RSRC1: variants seen among roughly 807,000 people sequenced by gnomAD.
RSRC1 encodes serine/Arginine-related protein 53.
A neutral mutation model predicts 49.1 loss-of-function variants in RSRC1; 39 were observed. The ratio of observed to expected loss-of-function variants is 0.79; its 90% confidence interval spans 0.61 to 1.04. The LOEUF is 1.04. Ranked by LOEUF, RSRC1 falls within the 50% of genes least tolerant of loss-of-function variation. The pLI, the probability that RSRC1 is intolerant of heterozygous loss-of-function variation, is 0.00. For missense variants in RSRC1, 388 were observed against 402.4 expected, an observed-to-expected ratio of 0.96 and a Z score of 0.31; for synonymous variants, 143 against 130.8, an observed-to-expected ratio of 1.09 and a Z score of -0.63.
intron 3 of RSRC1, among the ~76,000 whole-genome samples, chr3:158,171,537 TAACCTGTAAAAAAG>T (rs1287324465): frequency 6.6e-6 from 1 of 152,036 alleles, no homozygotes; most frequent in Non-Finnish European, 1.5e-5. Flanking sequence ...TAGAGAAATA[TAACCTGTAAAAAAG>T]AACCAAGTAG....
intron 6 of RSRC1, among the ~76,000 whole-genome samples, chr3:158,426,433 T>C (rs1735446088): frequency 6.6e-6 from 1 of 151,582 alleles, no homozygotes. Context: ...AGAGTAACTC[T>C]AGTGGTCAGT....
chr3:158,454,457 TTAC>T (rs1409958832), intron 6 of RSRC1, among the ~76,000 whole-genome samples: 3 of 152,268 alleles, frequency 2.0e-5, no homozygotes, highest in South Asian at 4.1e-4. Flanking sequence ...GTAAGCCTCT[TTAC>T]ATTCAGGGAA....
At chr3:158,516,953 G>T (rs930639992) in intron 7 of RSRC1, among the ~76,000 whole-genome samples, 3 of 152,170 alleles carry the variant, frequency 2.0e-5, no homozygotes, top group African/African-American at 7.2e-5. Flanking sequence ...CCCTGCTTTG[G>T]CTCGTGCACG....
chr3:158,412,265 T>C (rs974358773), intron 6 of RSRC1, among the ~76,000 whole-genome samples: 2 of 152,156 alleles, frequency 1.3e-5, no homozygotes, highest in African/African-American at 4.8e-5. Flanking sequence ...ATAAGAACCA[T>C]AATATATGTG....
At chr3:158,120,164 G>A (rs1435475172) in intron 1 of RSRC1, among the ~76,000 whole-genome samples, 1 of 152,028 alleles carries the variant, frequency 6.6e-6, no homozygotes, top group African/African-American at 2.4e-5. Flanking sequence ...AAAGTGTCGT[G>A]GTAATCTTTT....
intron 7 of RSRC1, among the ~76,000 whole-genome samples, chr3:158,477,290 C>G (rs1050020149): frequency 1.3e-5 from 2 of 152,116 alleles, no homozygotes; most frequent in African/African-American, 4.8e-5. Flanking sequence ...AGCAGAAGTT[C>G]TACAATAAAT....
chr3:158,369,597 C>T (rs1230513555), intron 6 of RSRC1, among the ~76,000 whole-genome samples: 1 of 152,054 alleles, frequency 6.6e-6, no homozygotes, highest in Non-Finnish European at 1.5e-5. Context: ...TTTAAATAGA[C>T]TGGACCTTCA....
chr3:158,402,754 C>G (rs1016655889), intron 6 of RSRC1, among the ~76,000 whole-genome samples: 1 of 151,822 alleles, frequency 6.6e-6, no homozygotes, highest in Non-Finnish European at 1.5e-5. Flanking sequence ...CATTTGCTGA[C>G]TCATACTTCT....
chr3:158,390,486 A>C (rs1733218381), intron 6 of RSRC1, among the ~76,000 whole-genome samples: 1 of 152,192 alleles, frequency 6.6e-6, no homozygotes. Context: ...TTTGGAATTG[A>C]AACTAAGTAA....
At chr3:158,540,596 C>A (rs1712980746) in intron 8 of RSRC1, among the ~76,000 whole-genome samples, 1 of 151,892 alleles carries the variant, frequency 6.6e-6, no homozygotes, top group African/African-American at 2.4e-5. Flanking sequence ...AAAAGTGGAT[C>A]TTGATATCAT....
intron 3 of RSRC1, among the ~76,000 whole-genome samples, chr3:158,147,532 C>CA (rs1288908560): frequency 6.7e-6 from 1 of 148,246 alleles, no homozygotes; most frequent in Non-Finnish European, 1.5e-5. Context: ...TTTTATTTTT[C>CA]AAAAAACCTA....
chr3:158,148,366 C>CGTGT (rs71144442), intron 3 of RSRC1, among the ~76,000 whole-genome samples: 1,653 of 149,740 alleles, frequency 0.011, 61 homozygotes, highest in Admixed American at 0.068. Flanking sequence ...TGTGTGTGTG[C>CGTGT]GTGTGTGTGT....
At chr3:158,316,285 C>T (rs1728438400) in intron 5 of RSRC1, among the ~76,000 whole-genome samples, 1 of 152,008 alleles carries the variant, frequency 6.6e-6, no homozygotes, top group Admixed American at 6.6e-5. Flanking sequence ...ATGCAAAGAC[C>T]AGCAGAATGT....
chr3:158,358,548 G>GT (rs1196208824), intron 6 of RSRC1, among the ~76,000 whole-genome samples: 1 of 151,972 alleles, frequency 6.6e-6, no homozygotes. Flanking sequence ...AGAACAGAGG[G>GT]TTTTTTTAAT....
At chr3:158,210,332 A>G (rs993542897) in intron 4 of RSRC1, among the ~76,000 whole-genome samples, 1 of 152,098 alleles carries the variant, frequency 6.6e-6, no homozygotes, top group African/African-American at 2.4e-5. Flanking sequence ...TGCCAGGATA[A>G]CATGTCTTCA....
chr3:158,120,021 G>A (rs1024009185), intron 1 of RSRC1, among the ~76,000 whole-genome samples: 4 of 151,830 alleles, frequency 2.6e-5, no homozygotes, highest in African/African-American at 9.7e-5. Context: ...AGTAGAGATG[G>A]GGTTTCACCA....
intron 5 of RSRC1, among the ~76,000 whole-genome samples, chr3:158,351,141 A>G (rs1466469834): frequency 2.0e-5 from 3 of 152,212 alleles, no homozygotes; most frequent in Non-Finnish European, 4.4e-5. Flanking sequence ...TGATGCAGAT[A>G]GACAGGTGGG....
chr3:158,273,808 T>C (rs780660216), intron 4 of RSRC1, among the ~76,000 whole-genome samples: 35 of 152,152 alleles, frequency 2.3e-4, no homozygotes, highest in Non-Finnish European at 4.7e-4. Context: ...CATTTCTTAA[T>C]ATTCAATCTT....
intron 3 of RSRC1, among the ~76,000 whole-genome samples, chr3:158,190,515 T>G (rs978276760): frequency 2.2e-4 from 33 of 151,658 alleles, no homozygotes; most frequent in African/African-American, 7.9e-4. Context: ...CTTATTTTAT[T>G]TTAATTTATT....
Sources: allele counts gnomAD v4.1 joint callset (sites outside exome capture counted in the v4.1 genomes callset), GRCh38; gene constraint gnomAD v4.1.1; transcripts MANE v1.5; gene names NCBI Gene and HGNC (gene_info 2026-07-23, HGNC 2026-07-21).